ENTREP2: variants seen among roughly 807,000 people sequenced by gnomAD.
The protein encoded by ENTREP2 is protein ENTREP2.
chr15:29,365,183 T>C, the ENTREP2 span, among the ~76,000 whole-genome samples: 1 of 152,202 alleles, frequency 6.6e-6, no homozygotes, highest in African/African-American at 2.4e-5. Flanking sequence ...CCTTTTCAGA[T>C]TGACTTCTTT....
chr15:29,313,772 C>T, the ENTREP2 span, among the ~76,000 whole-genome samples: 2 of 152,174 alleles, frequency 1.3e-5, no homozygotes, highest in African/African-American at 4.8e-5. Context: ...TTAAGAAATG[C>T]ATTTCACAAA....
the ENTREP2 span, among the ~76,000 whole-genome samples, chr15:29,216,857 AAAAAGAAAAG>A: frequency 6.6e-6 from 1 of 152,204 alleles, no homozygotes; most frequent in African/African-American, 2.4e-5. Context: ...ATTGTTTAAA[AAAAAGAAAAG>A]AAAAGAAAAG....
the ENTREP2 span, among the ~76,000 whole-genome samples, chr15:29,624,229 C>T: frequency 1.2e-3 from 178 of 152,258 alleles, no homozygotes; most frequent in African/African-American, 4.1e-3. Flanking sequence ...TCATTTCTTA[C>T]GACCAAATTT....
the ENTREP2 span, among the ~76,000 whole-genome samples, chr15:29,282,685 C>T: frequency 6.6e-6 from 1 of 152,146 alleles, no homozygotes; most frequent in Non-Finnish European, 1.5e-5. Flanking sequence ...TCTTGAGACC[C>T]CACTATGTGC....
chr15:29,435,858 G>T, the ENTREP2 span, among the ~76,000 whole-genome samples: 1 of 152,034 alleles, frequency 6.6e-6, no homozygotes, highest in African/African-American at 2.4e-5. Flanking sequence ...GCTGGAAGAT[G>T]GAAGACCTCC....
At chr15:29,200,735 T>C in the ENTREP2 span, among the ~76,000 whole-genome samples, 5 of 151,994 alleles carry the variant, frequency 3.3e-5, no homozygotes, top group African/African-American at 9.7e-5. Flanking sequence ...ATTTTTTTTG[T>C]ATTTTTAGTA....
chr15:29,623,124 G>T, the ENTREP2 span, among the ~76,000 whole-genome samples: 1 of 152,158 alleles, frequency 6.6e-6, no homozygotes, highest in East Asian at 1.9e-4. Context: ...GAAGAATGAA[G>T]AATTCCTTTC....
At chr15:29,244,128 A>C in the ENTREP2 span, among the ~76,000 whole-genome samples, 2 of 152,218 alleles carry the variant, frequency 1.3e-5, no homozygotes, top group African/African-American at 4.8e-5. Context: ...TGCAAAAGTG[A>C]TTCTGCATTA....
chr15:29,614,886 G>A, the ENTREP2 span, among the ~76,000 whole-genome samples: 5 of 151,980 alleles, frequency 3.3e-5, no homozygotes, highest in Non-Finnish European at 5.9e-5. Flanking sequence ...GCAAGACCAC[G>A]TCTCTATTTT....
At chr15:29,400,056 T>C in the ENTREP2 span, among the ~76,000 whole-genome samples, 1 of 152,200 alleles carries the variant, frequency 6.6e-6, no homozygotes, top group Admixed American at 6.5e-5. Flanking sequence ...GCCCTGAATA[T>C]ATGCCAGATA....
the ENTREP2 span, among the ~76,000 whole-genome samples, chr15:29,220,628 A>AAT: frequency 6.6e-6 from 1 of 152,194 alleles, no homozygotes; most frequent in Non-Finnish European, 1.5e-5. Context: ...TACATCGAAA[A>AAT]ATATATATCT....
At chr15:29,158,692 C>G in the ENTREP2 span, among the ~76,000 whole-genome samples, 188 of 149,438 alleles carry the variant, frequency 1.3e-3, no homozygotes, top group Non-Finnish European at 2.4e-3. Context: ...CTATAAAATT[C>G]CTTTACAAGG....
chr15:29,330,963 T>C, the ENTREP2 span, among the ~76,000 whole-genome samples: 2 of 152,174 alleles, frequency 1.3e-5, no homozygotes, highest in African/African-American at 4.8e-5. Flanking sequence ...CACAGTAAGT[T>C]GCTTTTATAA....
chr15:29,478,320 T>C, the ENTREP2 span, among the ~76,000 whole-genome samples: 16 of 152,018 alleles, frequency 1.1e-4, no homozygotes, highest in Admixed American at 7.9e-4. Flanking sequence ...AGCCACCGCG[T>C]CCAGCCTAAC....
the ENTREP2 span, among the ~76,000 whole-genome samples, chr15:29,261,318 C>A: frequency 6.6e-6 from 1 of 152,152 alleles, no homozygotes; most frequent in Admixed American, 6.5e-5. Context: ...TTGGAGGCTG[C>A]CGTGAGCTAT....
chr15:29,472,538 C>T, the ENTREP2 span, among the ~76,000 whole-genome samples: 1 of 151,892 alleles, frequency 6.6e-6, no homozygotes, highest in Non-Finnish European at 1.5e-5. Context: ...AATCTCGGCT[C>T]ACTGCAACCT....
chr15:29,640,765 T>C, the ENTREP2 span, among the ~76,000 whole-genome samples: 1 of 152,222 alleles, frequency 6.6e-6, no homozygotes, highest in Non-Finnish European at 1.5e-5. Context: ...TAAAGAATTA[T>C]ACTGATCTTT....
At chr15:29,543,215 T>C in the ENTREP2 span, among the ~76,000 whole-genome samples, 6 of 152,156 alleles carry the variant, frequency 3.9e-5, no homozygotes, top group Non-Finnish European at 8.8e-5. Flanking sequence ...ATCATAATAG[T>C]GTCCATTAAT....
the ENTREP2 span, among the ~76,000 whole-genome samples, chr15:29,125,631 T>C: frequency 1.3e-5 from 2 of 152,216 alleles, no homozygotes; most frequent in African/African-American, 4.8e-5. Context: ...CCAATCTTTA[T>C]TGGCAGAAAC....
Sources: gnomAD v4.1 joint callset for allele counts (sites outside exome capture counted in the v4.1 genomes callset) on GRCh38, gnomAD v4.1.1 for gene constraint, MANE v1.5 for transcripts, NCBI Gene and HGNC (gene_info 2026-07-23, HGNC 2026-07-21) for gene names.